Variants in C4orf50 observed in about 807,000 individuals in gnomAD.
C4orf50 encodes the protein uncharacterized protein C4orf50.
A neutral mutation model predicts 77.2 loss-of-function variants in C4orf50; 80 were observed. The observed-to-expected ratio is 1.04, with a 90% CI of 0.87 to 1.25. The LOEUF (loss-of-function observed/expected upper bound fraction) is 1.25, where lower values mean the gene tolerates loss of function less well. Ranked by LOEUF, C4orf50 falls within the 50% of genes most tolerant of loss-of-function variation. The pLI is 0.00. For synonymous variants in C4orf50, 532 were observed against 465.3 expected (o/e 1.14, Z -1.84); for missense variants, 1,257 against 1,152.9 (o/e 1.09, Z -1.31).
At chr4:5,983,442 G>T (rs1720705259) in intron 28 of C4orf50, among the ~76,000 whole-genome samples, 1 of 152,136 alleles carries the variant, frequency 6.6e-6, no homozygotes, top group Non-Finnish European at 1.5e-5. Context: ...CTGCCTCAAG[G>T]CCTGGCCGCT....
chr4:5,980,354 AT>A lies in C4orf50; in HGVS notation c.3700-17del. 6.2e-7 allele frequency: 1 copy of A among 1,607,128 alleles called. No homozygotes were observed. The highest frequency in any genetic ancestry group is 1.1e-5 in the South Asian group (1 of 89,632). The stretch of plus-strand genomic sequence containing the variant: ...AGTCCCGGAGCTGCGGAAATCACAG[AT>A]TTGAATGAAATGTTTAGGTTATCCT... On this transcript the variant is annotated splice_polypyrimidine_tract_variant and intron_variant, in intron 28 of 33. Coordinates refer to ENST00000531445, the Ensembl canonical transcript of C4orf50.
chr4:5,994,511 T>C (rs1277015612), intron 25 of C4orf50, 35 bp from the exon 4 acceptor site: 2 of 399,064 alleles, frequency 5.0e-6, no homozygotes, highest in Middle Eastern at 6.2e-4. Flanking sequence ...GAGCCGTCAG[T>C]GTCCTGGCTG....
intron 7 of C4orf50, among the ~76,000 whole-genome samples, chr4:5,926,938 T>C (rs1051134283): frequency 1.3e-5 from 2 of 152,196 alleles, no homozygotes; most frequent in Non-Finnish European, 2.9e-5. Context: ...TGCCCATGTT[T>C]CTGGTGAAAT....
In C4orf50 at chr4:5,916,329, A is replaced by G. The variant is rs60851737; in HGVS notation, c.*2475-18141T>C. Among the ~76,000 whole-genome samples, 114 of 152,252 alleles carry G rather than the reference A, an allele frequency of 7.5e-4. No individual in the cohort carries two copies. Among genetic ancestry groups the G allele is most frequent in the African/African-American group, 2.6e-3 (108 of 41,548 alleles). On this transcript the variant is annotated intron_variant, in intron 7 of 7. Transcript: ENST00000324058. This position sits in a 1 kb window ranked among gnomAD's most constrained non-coding sequence, Gnocchi z 4.4. Reference sequence around the variant, plus strand: ...GGATTTTTTGTCTGGGTGTTGACCAATCAACTAGGAGAGGGGTGGGGCTTA... The same window carrying G: ...GGATTTTTTGTCTGGGTGTTGACCAGTCAACTAGGAGAGGGGTGGGGCTTA...
intron 28 of C4orf50, among the ~76,000 whole-genome samples, chr4:5,980,990 T>C (rs1342449546): frequency 6.6e-5 from 10 of 152,174 alleles, no homozygotes; most frequent in Non-Finnish European, 1.2e-4. Flanking sequence ...TGGCTTTGCA[T>C]TGTGGGAAGT....
intron 33 of C4orf50, 97 bp downstream of exon 11, chr4:5,964,926 TG>T: frequency 8.6e-7 from 1 of 1,167,284 alleles, no homozygotes; most frequent in Non-Finnish European, 1.2e-6. Context: ...GGTGGCTTTC[TG>T]GGTGTATATC....
intron 7 of C4orf50, among the ~76,000 whole-genome samples, chr4:5,931,736 G>A (rs1717776895): frequency 6.6e-6 from 1 of 152,090 alleles, no homozygotes; most frequent in Admixed American, 6.5e-5. Context: ...CTCCAGGAAG[G>A]CTTCTGAGGA....
intron 7 of C4orf50, chr4:5,899,016 A>G (rs1046324173): frequency 6.6e-6 from 1 of 152,220 alleles, no homozygotes; most frequent in Non-Finnish European, 1.5e-5. Context: ...AGAAAACCCA[A>G]TCCTTCAATC....
At chr4:5,922,819 C>T (rs1005361498) in intron 7 of C4orf50, among the ~76,000 whole-genome samples, 25 of 152,286 alleles carry the variant, frequency 1.6e-4, no homozygotes, top group African/African-American at 5.3e-4. Flanking sequence ...CCTCCTGGCT[C>T]CAAGTAACAC....
intron 32 of C4orf50, 129 bp downstream of exon 10, chr4:5,967,285 G>T (rs1227286503): frequency 2.7e-6 from 2 of 746,696 alleles, no homozygotes; most frequent in Admixed American, 1.8e-5. Flanking sequence ...GGGAGAGGTG[G>T]GTCCTGTTCC....
rs1722728560 is a variant in C4orf50 at position 6,017,610 on chromosome 4, C to T, written c.287+535G>A. Among the ~76,000 whole-genome samples, 1 of 152,148 alleles carries T rather than the reference C, an allele frequency of 6.6e-6. No individual in the cohort carries two copies. The highest frequency in any genetic ancestry group is 1.5e-5 in the Non-Finnish European group (1 of 68,028). ...AGCCACCTATGCAAGCCTTCCAGAG[C>T]ACACATGCTTTTTCCCCAGGATATA... On this transcript the variant is annotated intron_variant, in intron 23 of 33. Coordinates refer to ENST00000531445, the Ensembl canonical transcript of C4orf50. The surrounding 1 kb of genome is among the most constrained non-coding windows in gnomAD (Gnocchi z 4.7).
intron 28 of C4orf50, among the ~76,000 whole-genome samples, chr4:5,982,303 G>T (rs1442969882): frequency 6.6e-6 from 1 of 152,144 alleles, no homozygotes; most frequent in South Asian, 2.1e-4. Flanking sequence ...GTGCGGTGGG[G>T]GGTGGGCAGC....
At chr4:5,951,561 A>C (rs1367923835) in intron 7 of C4orf50, among the ~76,000 whole-genome samples, 6 of 152,224 alleles carry the variant, frequency 3.9e-5, no homozygotes, top group African/African-American at 1.4e-4. Flanking sequence ...CTGAGAAAGG[A>C]AGTCACTTTA....
rs1462205257 is a variant in C4orf50, at chr4:5,908,202, T to A, written c.*2475-10014A>T. On this transcript the variant is annotated intron_variant, in intron 7 of 7. Coordinates refer to the C4orf50 transcript ENST00000324058. The surrounding 1 kb of genome is among the most constrained non-coding windows in gnomAD (Gnocchi z 5.6). Reference sequence around the variant, plus strand: ...TGTCCTCAAGGGCCTTATATCTGAGTGAGTAAAACAGACAAGCAAGCAAGT... The same window carrying A: ...TGTCCTCAAGGGCCTTATATCTGAGAGAGTAAAACAGACAAGCAAGCAAGT... Among the ~76,000 whole-genome samples, 1 of 152,026 alleles carries A rather than the reference T, an allele frequency of 6.6e-6. No homozygotes were observed. The highest frequency in any genetic ancestry group is 1.5e-5 in the Non-Finnish European group (1 of 68,002).
chr4:5,911,233 C>G (rs1433236694), intron 7 of C4orf50, among the ~76,000 whole-genome samples: 6 of 152,160 alleles, frequency 3.9e-5, no homozygotes, highest in African/African-American at 1.4e-4. Context: ...GCCTTTCGAA[C>G]TTGTGGGGTT....
intron 7 of C4orf50, among the ~76,000 whole-genome samples, chr4:5,922,156 A>G (rs978086084): frequency 2.0e-5 from 3 of 152,202 alleles, no homozygotes; most frequent in African/African-American, 7.2e-5. Context: ...GGAGGCTGTC[A>G]GAGCCCAGAG....
intron 7 of C4orf50, among the ~76,000 whole-genome samples, chr4:5,917,406 C>CTT (rs34928524): frequency 0.023 from 1,979 of 86,442 alleles, 187 homozygotes; most frequent in Non-Finnish European, 0.039. Context: ...TCCTGTATTT[C>CTT]TTTTTTTTTT....
chr4:6,002,276 C>T (rs780566471), intron 25 of C4orf50, among the ~76,000 whole-genome samples: 1 of 152,156 alleles, frequency 6.6e-6, no homozygotes, highest in Non-Finnish European at 1.5e-5. Flanking sequence ...TGCCAGGAGC[C>T]ACCAGAAGCT....
At chr4:5,988,106 G>A (rs1222853946) in intron 28 of C4orf50, among the ~76,000 whole-genome samples, 1 of 152,208 alleles carries the variant, frequency 6.6e-6, no homozygotes, top group Non-Finnish European at 1.5e-5. Flanking sequence ...CATAGCAGGT[G>A]GGAACAGAGA....
Sources: allele counts gnomAD v4.1 joint callset (sites outside exome capture counted in the v4.1 genomes callset), GRCh38; gene constraint gnomAD v4.1.1; non-coding constraint Gnocchi (gnomAD v3.1); transcripts MANE v1.5; gene names NCBI Gene and HGNC (gene_info 2026-07-23, HGNC 2026-07-21).